NFIX: variants seen among roughly 807,000 people sequenced by gnomAD.
The protein encoded by NFIX is nuclear factor 1 X-type.
In NFIX, 2 loss-of-function variants were observed where a neutral mutation model predicts 53.3. The observed-to-expected ratio is 0.04, with a 90% confidence interval of 0.02 to 0.12. The LOEUF is 0.12. Among genes scored for constraint, NFIX ranks in the 10% least tolerant of loss-of-function variants. The pLI is 1.00. For missense variants in NFIX, 310 were observed against 674.5 expected (o/e 0.46, Z 5.99); for synonymous variants, 244 against 289.0 (o/e 0.84, Z 1.58).
chr19:13,066,491 T>C lies in NFIX; in HGVS notation c.560-6556T>C, dbSNP rs1166690637. 1.3e-5 allele frequency among the ~76,000 whole-genome samples: 2 copies of C among 151,918 alleles called. No homozygotes were observed. Among genetic ancestry groups the C allele is most frequent in the Non-Finnish European group, 2.9e-5 (2 of 67,976 alleles). On this transcript the variant is annotated intron_variant, in intron 2 of 10. Coordinates refer to ENST00000592199, the MANE Select transcript of NFIX (RefSeq NM_001365902.3). This position sits in a 1 kb window ranked among gnomAD's most constrained non-coding sequence, Gnocchi z 4.2. ...CCCTCTGCCATGTCCTCTTCCCCCA[T>C]CTCCAGCAGGTCAGTCAAGTCAAAG...
chr19:13,007,900 T>C (rs976657197), intron 1 of NFIX, among the ~76,000 whole-genome samples: 1 of 152,100 alleles, frequency 6.6e-6, no homozygotes, highest in Non-Finnish European at 1.5e-5. Flanking sequence ...CTCCCCCCTC[T>C]GTGGCAGGGG....
chr19:13,039,228 C>CCCACACA (rs796212249), intron 2 of NFIX, among the ~76,000 whole-genome samples: 54 of 144,586 alleles, frequency 3.7e-4, no homozygotes, highest in African/African-American at 1.3e-3. Context: ...ACACCCCCCC[C>CCCACACA]CACACACACA....
chr19:13,084,972 A>C (rs1463713062), intron 8 of NFIX, among the ~76,000 whole-genome samples: 1 of 150,676 alleles, frequency 6.6e-6, no homozygotes. Flanking sequence ...TGGGAGGCTG[A>C]GGCAGGAGAA....
At chr19:13,029,038 G>A (rs927492802) in intron 2 of NFIX, among the ~76,000 whole-genome samples, 1 of 152,164 alleles carries the variant, frequency 6.6e-6, no homozygotes, top group Non-Finnish European at 1.5e-5. Context: ...GAATCCCCAC[G>A]AAGTCCAGGT....
chr19:13,025,214 G>A lies in NFIX; in HGVS notation c.221G>A (p.Arg74Gln). 6.2e-7 allele frequency: 1 copy of A among 1,614,198 alleles called. No individual in the cohort carries two copies. Among genetic ancestry groups the A allele is most frequent in the Non-Finnish European group, 8.5e-7 (1 of 1,180,038 alleles). Residue 74 changes from arginine (R) to glutamine (Q), a missense_variant, in exon 2 of 11, where the codon CGG becomes CAG. Around this residue, in one of 5 missense-constraint regions of NFIX, gnomAD observed 64 missense variants for 144.5 expected, o/e 0.44. Coordinates refer to ENST00000592199, the MANE Select transcript of NFIX (RefSeq NM_001365902.3). The surrounding 1 kb of genome is among the most constrained non-coding windows in gnomAD (Gnocchi z 7.5). ...KPEIKQKWAS[R>Q]LLAKLRKDIR... ...GAGATCAAGCAGAAGTGGGCATCCCGGCTGCTGGCCAAGCTGCGCAAGGAC... is the reference window on the plus strand; with the variant it reads ...GAGATCAAGCAGAAGTGGGCATCCCAGCTGCTGGCCAAGCTGCGCAAGGAC...
In NFIX at chr19:13,066,549, G is replaced by A. The variant is rs138125323; in HGVS notation, c.560-6498G>A. On this transcript the variant is annotated intron_variant, in intron 2 of 10. Coordinates refer to ENST00000592199, the MANE Select transcript of NFIX (RefSeq NM_001365902.3). This position sits in a 1 kb window ranked among gnomAD's most constrained non-coding sequence, Gnocchi z 4.2. ...CCCCTTTGGATCTGTGAGCAGGGAGGGAATGAGGAAAGGGGAGAGGACGAT... is the reference window on the plus strand; with the variant it reads ...CCCCTTTGGATCTGTGAGCAGGGAGAGAATGAGGAAAGGGGAGAGGACGAT... 6.6e-6 allele frequency among the ~76,000 whole-genome samples: 1 copy of A among 152,180 alleles called. No homozygotes were observed. Among genetic ancestry groups the A allele is most frequent in the Non-Finnish European group, 1.5e-5 (1 of 68,034 alleles).
chr19:13,068,846 C>T lies in NFIX; in HGVS notation c.560-4201C>T, dbSNP rs530046994. On this transcript the variant is annotated intron_variant, in intron 2 of 10. Transcript: ENST00000592199. This position sits in a 1 kb window ranked among gnomAD's most constrained non-coding sequence, Gnocchi z 4.2. Reference sequence around the variant, plus strand: ...AGCCCAGGTCCCCAGAGAAGGACAGCCCGCAGAGCTGCGTGTTTGTGTGAC... The same window carrying T: ...AGCCCAGGTCCCCAGAGAAGGACAGTCCGCAGAGCTGCGTGTTTGTGTGAC... 6.6e-6 allele frequency among the ~76,000 whole-genome samples: 1 copy of T among 152,228 alleles called. No homozygotes were observed. The highest frequency in any genetic ancestry group is 1.5e-5 in the Non-Finnish European group (1 of 68,036).
chr19:13,042,355 CTTTTTTTTTTTT>C, intron 2 of NFIX, among the ~76,000 whole-genome samples: 1 of 100,574 alleles, frequency 9.9e-6, no homozygotes, highest in Admixed American at 1.4e-4. Flanking sequence ...CTTTTACATG[CTTTTTTTTTTTT>C]TTTTTTTTGG....
At chr19:13,024,113 C>CAAAAAAAAAAAAAAAACA in intron 1 of NFIX, 2 of 412,068 alleles carry the variant, frequency 4.9e-6, no homozygotes, top group Non-Finnish European at 4.1e-6. Context: ...AGCAAACAAC[C>CAAAAAAAAAAAAAAAACA]AAAAAAAAAA....
Position 13,067,382 on chromosome 19 carries a change from TG to T in NFIX, c.560-5663del, listed in dbSNP as rs1279049935. The stretch of plus-strand genomic sequence containing the variant: ...TGCAGAGTTGAAGGGGATTCCTCTC[TG>T]GTGGCTCCAGATGTACCATCTCACT... On this transcript the variant is annotated intron_variant, in intron 2 of 10. Transcript: ENST00000592199. This position sits in a 1 kb window ranked among gnomAD's most constrained non-coding sequence, Gnocchi z 4.2. Among the ~76,000 whole-genome samples the T allele has an allele frequency of 6.6e-6, 1 of 152,190 alleles. No individual in the cohort carries two copies. The highest frequency in any genetic ancestry group is 2.4e-5 in the African/African-American group (1 of 41,448).
chr19:13,073,923 T>A lies in NFIX; in HGVS notation c.715T>A (p.Ser239Thr). ...RVSQTPVATA[S>T]GPNFSLADLE... ...CTTCCCAGCTCCTGTTGCAACAGCA[T>A]CAGGGCCCAACTTCTCCCTGGCGGA... The change falls in exon 5 of 11, where the codon TCA becomes ACA. Residue 239 changes from serine (S) to threonine (T), a missense_variant. Transcript: ENST00000592199. This position sits in a 1 kb window ranked among gnomAD's most constrained non-coding sequence, Gnocchi z 4.5. 6.2e-7 allele frequency: 1 copy of A among 1,613,946 alleles called. No individual in the cohort carries two copies. The highest frequency in any genetic ancestry group is 8.5e-7 in the Non-Finnish European group (1 of 1,179,856).
rs1568318723 is a variant in NFIX, at chr19:13,075,605, G to A, written c.889G>A (p.Gly297Arg). The change falls in exon 6 of 11, where the codon GGG (glycine) becomes AGG (arginine). Residue 297 changes from glycine to arginine, a missense_variant. Around this residue, in one of 5 missense-constraint regions of NFIX, gnomAD observed 164 missense variants for 284.4 expected, o/e 0.58. Transcript: ENST00000592199. ...ESPVDDVFYP[G>R]TGRSPAAGSS... is the part of the protein sequence containing the mutation. ...CCCTGTTGATGACGTGTTCTATCCCGGGACAGGCCGTTCCCCAGCAGCTGG... is the reference window on the plus strand; with the variant it reads ...CCCTGTTGATGACGTGTTCTATCCCAGGACAGGCCGTTCCCCAGCAGCTGG... 3.7e-6 allele frequency: 6 copies of A among 1,613,590 alleles called. No homozygotes were observed. The highest frequency in any genetic ancestry group is 5.1e-6 in the Non-Finnish European group (6 of 1,179,782).
In NFIX at chr19:13,063,168, G is replaced by A. The variant is rs1375192798; in HGVS notation, c.560-9879G>A. ...CTTTTTGATTTCCTCAGGCAAATAGGCAGAGAGCTTAGGGACCTTCCCCTG... is the reference window on the plus strand; with the variant it reads ...CTTTTTGATTTCCTCAGGCAAATAGACAGAGAGCTTAGGGACCTTCCCCTG... On this transcript the variant is annotated intron_variant, in intron 2 of 10. Transcript: ENST00000592199. Among the ~76,000 whole-genome samples, 3 of 152,216 alleles carry A rather than the reference G, an allele frequency of 2.0e-5. No homozygotes were observed. In the East Asian group the frequency reaches 5.8e-4, roughly 29 times the overall value.
chr19:13,090,432 A>T lies in NFIX; in HGVS notation c.1494+42A>T. On this transcript the variant is annotated intron_variant, in intron 10 of 10. Transcript: ENST00000592199. The surrounding 1 kb of genome is among the most constrained non-coding windows in gnomAD (Gnocchi z 6.6). ...ACCACCTGGATGCAGGGACCAGGGG[A>T]GTAGTCAGGGTTGGGGGGCATCTTG... is the stretch of plus-strand genomic sequence containing the variant. The T allele has an allele frequency of 6.4e-7, 1 of 1,573,752 alleles. No homozygotes were observed. The highest frequency in any genetic ancestry group is 2.2e-5 in the East Asian group (1 of 44,638).
intron 1 of NFIX, among the ~76,000 whole-genome samples, chr19:13,023,377 C>T (rs924213986): frequency 1.3e-5 from 2 of 150,276 alleles, no homozygotes; most frequent in East Asian, 2.0e-4. Flanking sequence ...CTGCCAGCAA[C>T]GGTCTGCAGC....
chr19:13,058,084 C>G (rs2015825175), intron 2 of NFIX, among the ~76,000 whole-genome samples: 1 of 151,990 alleles, frequency 6.6e-6, no homozygotes, highest in East Asian at 1.9e-4. Flanking sequence ...ACCCTAGGAA[C>G]AGGGGAGGGG....
Position 13,038,351 on chromosome 19 carries a change from A to G in NFIX, c.559+12799A>G, listed in dbSNP as rs1465682623. On this transcript the variant is annotated intron_variant, in intron 2 of 10. Transcript: ENST00000592199. ...TGCCTTTCAGGTCACCTCTTCCCATATAGACCTGAACAGGCCACTGCGGCT... is the reference window on the plus strand; with the variant it reads ...TGCCTTTCAGGTCACCTCTTCCCATGTAGACCTGAACAGGCCACTGCGGCT... Among the ~76,000 whole-genome samples, 4 of 152,292 alleles carry G rather than the reference A, an allele frequency of 2.6e-5. No homozygotes were observed. In the South Asian group the frequency reaches 6.2e-4, roughly 24 times the overall value.
chr19:13,081,993 A>C lies in NFIX; in HGVS notation c.1254+138A>C. 3 of 949,146 alleles carry C rather than the reference A, an allele frequency of 3.2e-6. No individual in the cohort carries two copies. The highest frequency in any genetic ancestry group is 1.7e-5 in the South Asian group (1 of 60,368). The allele number at this position is 949,146 out of a possible 1,614,324, so 58.8% of individuals were successfully genotyped here. On this transcript the variant is annotated intron_variant, in intron 8 of 10. Transcript: ENST00000592199. This position sits in a 1 kb window ranked among gnomAD's most constrained non-coding sequence, Gnocchi z 4.7. The stretch of plus-strand genomic sequence containing the variant: ...AGCAGCAGGGAGCTGGTAGTACCAA[A>C]CGCCTCGATTTTCTGGGTCTGGGGA...
At chr19:13,035,157 C>T (rs1362616285) in intron 2 of NFIX, among the ~76,000 whole-genome samples, 2 of 152,218 alleles carry the variant, frequency 1.3e-5, no homozygotes, top group South Asian at 4.1e-4. Context: ...AGAATGCCAC[C>T]TGTGTTCACC....
Sources: allele counts gnomAD v4.1 joint callset (sites outside exome capture counted in the v4.1 genomes callset), GRCh38; gene constraint gnomAD v4.1.1; regional missense constraint gnomAD v4.1.1; non-coding constraint Gnocchi (gnomAD v3.1); transcripts MANE v1.5; gene names NCBI Gene and HGNC (gene_info 2026-07-23, HGNC 2026-07-21).